The following MAGI3 variants were observed in gnomAD, a reference collection of about 807,000 sequenced individuals.
MAGI3 encodes membrane associated guanylate kinase, WW and PDZ domain containing 3, also known as membrane-associated guanylate kinase, WW and PDZ domain-containing protein 3.
In MAGI3, 43 loss-of-function variants were observed where a neutral mutation model predicts 121.8. The ratio of observed to expected loss-of-function variants is 0.35; its 90% confidence interval spans 0.28 to 0.46. The LOEUF is 0.46. Among genes scored for constraint, MAGI3 ranks in the 20% least tolerant of loss-of-function variants. The pLI, the probability that MAGI3 is intolerant of heterozygous loss-of-function variation, is 1.00. For synonymous variants in MAGI3, 553 were observed against 639.3 expected (o/e 0.86, Z 2.04); for missense variants, 1,547 against 1,797.3 (o/e 0.86, Z 2.52).
chr1:113,415,528 A>G (rs540767709), intron 1 of MAGI3, among the ~76,000 whole-genome samples: 1 of 151,768 alleles, frequency 6.6e-6, no homozygotes, highest in Admixed American at 6.6e-5. Flanking sequence ...TCTCTTTTCT[A>G]TCTCTCCGCT....
At chr1:113,481,077 G>A (rs1439915954) in intron 1 of MAGI3, among the ~76,000 whole-genome samples, 3 of 152,136 alleles carry the variant, frequency 2.0e-5, no homozygotes, top group African/African-American at 7.2e-5. Context: ...CTTATACTAT[G>A]CATCTCTCTT....
intron 9 of MAGI3, 29 bp from the exon 10 acceptor site, chr1:113,641,882 A>G (rs1652555692): frequency 1.3e-6 from 2 of 1,522,704 alleles, no homozygotes; most frequent in African/African-American, 1.4e-5. Flanking sequence ...GTTGATTTTA[A>G]TATTTTTAAC....
At chr1:113,445,317 G>A (rs560892116) in intron 1 of MAGI3, among the ~76,000 whole-genome samples, 1 of 152,234 alleles carries the variant, frequency 6.6e-6, no homozygotes, top group South Asian at 2.1e-4. Context: ...ATCATACTTT[G>A]ACAGCCAGGT....
chr1:113,471,139 A>G (rs1655519472), intron 1 of MAGI3, among the ~76,000 whole-genome samples: 1 of 152,266 alleles, frequency 6.6e-6, no homozygotes, highest in Non-Finnish European at 1.5e-5. Context: ...CCTACCAGAT[A>G]TATAAATAAC....
Position 113,682,225 on chromosome 1 carries a change from C to T in MAGI3, c.3329-672C>T, listed in dbSNP as rs565910933. ...TTCCCTCTTCAGGTTTGGCTCCTTC[C>T]GGTCTGTGCTCCTACGTGAAACCCG... On this transcript the variant is annotated intron_variant, in intron 20 of 20. Coordinates refer to ENST00000307546, the MANE Select transcript of MAGI3 (RefSeq NM_001142782.2). The T allele has an allele frequency of 7.5e-5, 121 of 1,609,060 alleles. 2 individuals are homozygous for T. In the South Asian group the frequency reaches 1.0e-3, roughly 14 times the overall value.
intron 16 of MAGI3, 118 bp downstream of exon 16, chr1:113,659,383 C>T (rs1653663146): frequency 4.7e-6 from 4 of 847,920 alleles, no homozygotes; most frequent in South Asian, 1.9e-5. Context: ...TGTGTATGCA[C>T]GCTGGAGTCT....
chr1:113,411,422 AT>A (rs199703430), intron 1 of MAGI3, among the ~76,000 whole-genome samples: 6 of 148,822 alleles, frequency 4.0e-5, no homozygotes, highest in African/African-American at 4.9e-5. Flanking sequence ...CTCTTACTGT[AT>A]TTTTTTTTTC....
intron 2 of MAGI3, among the ~76,000 whole-genome samples, chr1:113,564,375 C>T (rs1326395467): frequency 6.6e-6 from 1 of 152,150 alleles, no homozygotes; most frequent in Non-Finnish European, 1.5e-5. Flanking sequence ...CTGCACTTGA[C>T]TGTTATGGCA....
intron 6 of MAGI3, among the ~76,000 whole-genome samples, chr1:113,603,103 GAAATGA>G (rs377048909): frequency 1.4e-5 from 2 of 146,844 alleles, no homozygotes; most frequent in African/African-American, 2.7e-5. Flanking sequence ...AGCCCAATTC[GAAATGA>G]AAATGAAAAT....
At chr1:113,620,899 T>G (rs1650776825) in intron 8 of MAGI3, among the ~76,000 whole-genome samples, 1 of 152,198 alleles carries the variant, frequency 6.6e-6, no homozygotes, top group African/African-American at 2.4e-5. Context: ...AAGGTGGTTA[T>G]GAGTATGTAA....
At chr1:113,653,370 G>A (rs554012155) in intron 14 of MAGI3, among the ~76,000 whole-genome samples, 3 of 152,122 alleles carry the variant, frequency 2.0e-5, no homozygotes, top group South Asian at 2.1e-4. Context: ...TCAGGAGTTC[G>A]AGACCAGCCT....
chr1:113,560,520 G>A (rs1660189782), intron 2 of MAGI3, among the ~76,000 whole-genome samples: 1 of 152,152 alleles, frequency 6.6e-6, no homozygotes, highest in African/African-American at 2.4e-5. Flanking sequence ...CATGATTCTT[G>A]GGTAAATAAT....
At chr1:113,455,279 T>C (rs1180202044) in intron 1 of MAGI3, among the ~76,000 whole-genome samples, 2 of 152,118 alleles carry the variant, frequency 1.3e-5, no homozygotes, top group Non-Finnish European at 2.9e-5. Flanking sequence ...CTAAATAGTG[T>C]GAGAGACTGC....
chr1:113,545,477 G>C (rs189706793), intron 1 of MAGI3, among the ~76,000 whole-genome samples: 63 of 152,334 alleles, frequency 4.1e-4, no homozygotes, highest in South Asian at 2.5e-3. Flanking sequence ...TAATTAGATT[G>C]ATTTACAGCT....
chr1:113,599,832 G>A (rs1422321999), intron 6 of MAGI3, among the ~76,000 whole-genome samples: 1 of 151,596 alleles, frequency 6.6e-6, no homozygotes, highest in Admixed American at 6.6e-5. Flanking sequence ...ATAAAATACT[G>A]GCAAACTGAA....
intron 16 of MAGI3, among the ~76,000 whole-genome samples, chr1:113,663,182 G>A (rs979652798): frequency 2.0e-5 from 3 of 151,386 alleles, no homozygotes; most frequent in East Asian, 1.9e-4. Context: ...CTGAGATTGC[G>A]CCATTGCACT....
chr1:113,683,223 G>A lies in MAGI3; in HGVS notation c.3655G>A (p.Gly1219Ser), dbSNP rs1485611663. Residue 1219 changes from glycine (G) to serine (S), a missense_variant, in exon 21 of 21, where the codon GGT becomes AGT. Coordinates refer to ENST00000307546, the MANE Select transcript of MAGI3 (RefSeq NM_001142782.2). ...AGTAGAAAATGGTGTTACACGAAGA[G>A]GTAGATCGGTTAGTCCCAAAAAGCC... ...LKVENGVTRRGRSVSPKKPAS... is the reference protein window; with the variant it reads ...LKVENGVTRRSRSVSPKKPAS... The A allele has an allele frequency of 1.9e-6, 3 of 1,613,796 alleles. No homozygotes were observed. Among genetic ancestry groups the A allele is most frequent in the Non-Finnish European group, 2.5e-6 (3 of 1,179,888 alleles).
intron 1 of MAGI3, among the ~76,000 whole-genome samples, chr1:113,408,931 G>A (rs977509919): frequency 4.0e-5 from 6 of 151,622 alleles, no homozygotes; most frequent in Admixed American, 6.6e-5. Flanking sequence ...TCTGTACTTT[G>A]CCATATATTA....
intron 1 of MAGI3, among the ~76,000 whole-genome samples, chr1:113,423,416 C>T (rs1198343346): frequency 9.9e-5 from 15 of 151,834 alleles, no homozygotes; most frequent in African/African-American, 2.4e-4. Flanking sequence ...GGACTACAGG[C>T]GCCCGCCACT....
Sources: allele counts gnomAD v4.1 joint callset (sites outside exome capture counted in the v4.1 genomes callset), GRCh38; gene constraint gnomAD v4.1.1; transcripts MANE v1.5; gene names NCBI Gene and HGNC (gene_info 2026-07-23, HGNC 2026-07-21).